The following COL22A1 variants were observed in gnomAD, a reference collection of about 807,000 sequenced individuals.
The protein encoded by COL22A1 is collagen alpha-1(XXII) chain.
Under a neutral mutation model 248.9 loss-of-function variants are expected in COL22A1, and 221 were observed. The ratio of observed to expected loss-of-function variants is 0.89; its 90% CI spans 0.80 to 0.99. COL22A1 has a LOEUF of 0.99. Among genes scored for constraint, COL22A1 ranks in the 50% least tolerant of loss-of-function variants. The probability of loss-of-function intolerance (pLI) is 0.00; values close to 1 mark genes in which losing one functional copy is unlikely to be tolerated. For missense variants in COL22A1, 2,240 were observed against 2,179.0 expected (o/e 1.03, Z -0.56); for synonymous variants, 891 against 793.4 (o/e 1.12, Z -2.07).
chr8:138,725,303 G>T, intron 24 of COL22A1, 84 bp downstream of exon 24: 1 of 1,339,058 alleles, frequency 7.5e-7, no homozygotes, highest in Non-Finnish European at 1.1e-6. Flanking sequence ...AAGACAAGAG[G>T]CCATTCACAA....
chr8:138,615,071 C>A (rs994865693), intron 55 of COL22A1, among the ~76,000 whole-genome samples: 1 of 152,194 alleles, frequency 6.6e-6, no homozygotes, highest in African/African-American at 2.4e-5. Context: ...GTCCAGCCAC[C>A]CTGCAGGACG....
At chr8:138,832,085 T>C (rs1820087578) in intron 5 of COL22A1, among the ~76,000 whole-genome samples, 1 of 152,122 alleles carries the variant, frequency 6.6e-6, no homozygotes. Flanking sequence ...TTCTCACTGC[T>C]ACACTCCCAT....
At chr8:138,825,398 A>C (rs1819501484) in intron 6 of COL22A1, among the ~76,000 whole-genome samples, 1 of 152,224 alleles carries the variant, frequency 6.6e-6, no homozygotes, top group Admixed American at 6.5e-5. Flanking sequence ...GGGAACCTGA[A>C]TGACTGGGTT....
At chr8:138,784,092 G>C (rs1815285957) in intron 12 of COL22A1, among the ~76,000 whole-genome samples, 1 of 152,216 alleles carries the variant, frequency 6.6e-6, no homozygotes, top group South Asian at 2.1e-4. Context: ...TTTCAGCAGA[G>C]GGTTCGAAGA....
At chr8:138,766,584 A>G (rs1197812447) in intron 16 of COL22A1, among the ~76,000 whole-genome samples, 4 of 152,118 alleles carry the variant, frequency 2.6e-5, no homozygotes, top group African/African-American at 7.2e-5. Flanking sequence ...GAAGACAGAT[A>G]GACAGGAGAG....
intron 52 of COL22A1, among the ~76,000 whole-genome samples, chr8:138,621,638 T>C (rs1299064165): frequency 1.3e-5 from 2 of 152,180 alleles, no homozygotes; most frequent in Non-Finnish European, 2.9e-5. Flanking sequence ...GAGTCCTAGA[T>C]GCTTCATTTA....
intron 59 of COL22A1, among the ~76,000 whole-genome samples, chr8:138,604,233 G>C (rs1013534414): frequency 2.0e-5 from 3 of 152,150 alleles, no homozygotes; most frequent in Non-Finnish European, 2.9e-5. Flanking sequence ...GAGAGTGCAG[G>C]GGGAGGGCAG....
chr8:138,682,349 A>G (rs1383875885), intron 39 of COL22A1, among the ~76,000 whole-genome samples: 2 of 152,246 alleles, frequency 1.3e-5, no homozygotes, highest in Non-Finnish European at 2.9e-5. Context: ...CATTGAAGGC[A>G]TATAGGAAAC....
intron 22 of COL22A1, among the ~76,000 whole-genome samples, chr8:138,749,080 G>A (rs752145998): frequency 6.6e-6 from 1 of 152,082 alleles, no homozygotes; most frequent in Non-Finnish European, 1.5e-5. Context: ...GCCATGTAAG[G>A]CATGTCTTTC....
intron 4 of COL22A1, among the ~76,000 whole-genome samples, chr8:138,840,861 C>G (rs1334025875): frequency 6.6e-6 from 1 of 152,204 alleles, no homozygotes; most frequent in Non-Finnish European, 1.5e-5. Flanking sequence ...ATTCACCTGC[C>G]TTGGCTTCCC....
At chr8:138,659,520 G>GC (rs1823597022) in intron 44 of COL22A1, among the ~76,000 whole-genome samples, 4 of 152,162 alleles carry the variant, frequency 2.6e-5, no homozygotes, top group African/African-American at 9.7e-5. Flanking sequence ...CCCAGTCTTG[G>GC]TTGCTGCTGT....
chr8:138,808,695 A>G (rs1817929882), intron 9 of COL22A1, among the ~76,000 whole-genome samples: 1 of 152,234 alleles, frequency 6.6e-6, no homozygotes, highest in South Asian at 2.1e-4. Flanking sequence ...GCAGCAGTAC[A>G]TCCATTTATG....
intron 23 of COL22A1, among the ~76,000 whole-genome samples, chr8:138,729,633 C>A (rs1303002352): frequency 6.6e-6 from 1 of 152,194 alleles, no homozygotes; most frequent in Non-Finnish European, 1.5e-5. Flanking sequence ...AGGTGATTTG[C>A]TTCCAGCCTC....
At chr8:138,883,314 C>G in intron 1 of COL22A1, 70 bp from the exon 2 acceptor site, 2 of 837,486 alleles carry the variant, frequency 2.4e-6, no homozygotes, top group Non-Finnish European at 3.7e-6. Flanking sequence ...ACTCTGGGCC[C>G]TGCCCAGGGG....
chr8:138,811,954 C>A (rs1399318344), intron 8 of COL22A1, 33 bp from the exon 9 acceptor site: 2 of 1,511,472 alleles, frequency 1.3e-6, no homozygotes, highest in South Asian at 2.6e-5. Flanking sequence ...CAGAACCTGG[C>A]TCTTCACTCA....
intron 22 of COL22A1, among the ~76,000 whole-genome samples, chr8:138,741,434 G>A (rs1314308292): frequency 6.6e-6 from 1 of 152,140 alleles, no homozygotes; most frequent in African/African-American, 2.4e-5. Context: ...TAAATCTAAG[G>A]TACATTGGAA....
intron 3 of COL22A1, among the ~76,000 whole-genome samples, chr8:138,859,581 C>G (rs1443938775): frequency 6.6e-6 from 1 of 152,196 alleles, no homozygotes; most frequent in Non-Finnish European, 1.5e-5. Context: ...AGCCACAAAA[C>G]AGAGCTGTCA....
intron 49 of COL22A1, among the ~76,000 whole-genome samples, chr8:138,633,441 G>A (rs1053351315): frequency 6.6e-6 from 1 of 152,220 alleles, no homozygotes; most frequent in East Asian, 1.9e-4. Context: ...CTTCCAGTGA[G>A]AACAGATCAG....
At chr8:138,882,608 A>C (rs1824311166) in intron 2 of COL22A1, among the ~76,000 whole-genome samples, 1 of 140,076 alleles carries the variant, frequency 7.1e-6, no homozygotes, top group South Asian at 2.4e-4. Flanking sequence ...ACTCCCTCAC[A>C]CTCCCACACA....
Sources: gnomAD v4.1 joint callset for allele counts (sites outside exome capture counted in the v4.1 genomes callset) on GRCh38, gnomAD v4.1.1 for gene constraint, MANE v1.5 for transcripts, NCBI Gene and HGNC (gene_info 2026-07-23, HGNC 2026-07-21) for gene names.